The following WWOX variants were observed in gnomAD, a reference collection of about 807,000 sequenced individuals.
WWOX encodes the protein WW domain containing oxidoreductase, also known as WW domain-containing oxidoreductase.
A neutral mutation model predicts 46.2 loss-of-function variants in WWOX; 69 were observed. The observed-to-expected ratio is 1.49, with a 90% CI of 1.23 to 1.82. The LOEUF (loss-of-function observed/expected upper bound fraction) is 1.82. Ranked by LOEUF, WWOX falls within the 40% of genes most tolerant of loss-of-function variation. The pLI, the probability that WWOX is intolerant of heterozygous loss-of-function variation, is 0.00. For missense variants in WWOX, 919 were observed against 542.6 expected (o/e 1.69, Z -6.89); for synonymous variants, 359 against 202.6 (o/e 1.77, Z -6.56).
chr16:79,099,345 T>C (rs189335727), intron 8 of WWOX, among the ~76,000 whole-genome samples: 1 of 152,274 alleles, frequency 6.6e-6, no homozygotes, highest in East Asian at 1.9e-4. Flanking sequence ...CATTTCTCTT[T>C]ACAAAAAGAA....
chr16:78,953,879 C>G (rs2046112838), intron 8 of WWOX, among the ~76,000 whole-genome samples: 1 of 152,184 alleles, frequency 6.6e-6, no homozygotes, highest in Non-Finnish European at 1.5e-5. Context: ...TTATTTGACA[C>G]TTTTCACTTG....
chr16:78,434,229 C>T (rs1481307329), intron 8 of WWOX, among the ~76,000 whole-genome samples: 3 of 152,152 alleles, frequency 2.0e-5, no homozygotes, highest in South Asian at 4.1e-4. Context: ...TACTTAGGAT[C>T]AGTGGCAGTG....
intron 6 of WWOX, among the ~76,000 whole-genome samples, chr16:78,396,281 G>T (rs1297865865): frequency 6.6e-6 from 1 of 151,904 alleles, no homozygotes; most frequent in African/African-American, 2.4e-5. Flanking sequence ...TCAATTAGGG[G>T]TCACTTAGCA....
chr16:78,640,605 C>T (rs918497803), intron 8 of WWOX, among the ~76,000 whole-genome samples: 1 of 152,082 alleles, frequency 6.6e-6, no homozygotes, highest in African/African-American at 2.4e-5. Flanking sequence ...AACAAACCTA[C>T]ACATCCTGCA....
chr16:78,584,312 C>G lies in WWOX; in HGVS notation c.1056+151560C>G, dbSNP rs118064591. Among the ~76,000 whole-genome samples, 8 of 152,308 alleles carry G rather than the reference C, an allele frequency of 5.3e-5. No individual in the cohort carries two copies. In the East Asian group the frequency reaches 1.5e-3, roughly 29 times the overall value. ...CATGGAGTCATGAGTCAAAGATGGT[C>G]AAATTGGCCAAGATGAAGGTGTTTG... is the stretch of plus-strand genomic sequence containing the variant. On this transcript the variant is annotated intron_variant, in intron 8 of 8. Transcript: ENST00000566780.
chr16:79,211,586 GTCTT>G lies in WWOX; in HGVS notation c.1057-17_1057-14del, dbSNP rs750753794. On this transcript the variant is annotated intron_variant, in intron 8 of 8. Transcript: ENST00000566780. ...ACTCCTTTTCTTAAAATTTTTTTTT[GTCTT>G]TCTTCTTGGATTTCCAGCAACAGGG... is the stretch of plus-strand genomic sequence containing the variant. The G allele has an allele frequency of 3.5e-5, 57 of 1,613,584 alleles. No individual in the cohort carries two copies. The highest frequency in any genetic ancestry group is 4.4e-5 in the South Asian group (4 of 91,044).
rs139096761 is a variant in WWOX, at chr16:78,774,227, C to T, written c.1056+341475C>T. 2.5e-4 allele frequency among the ~76,000 whole-genome samples: 38 copies of T among 152,192 alleles called. No individual in the cohort carries two copies. In the East Asian group the frequency reaches 7.4e-3, roughly 29 times the overall value. On this transcript the variant is annotated intron_variant, in intron 8 of 8. Coordinates refer to ENST00000566780, the MANE Select transcript of WWOX (RefSeq NM_016373.4). Reference sequence around the variant, plus strand: ...ACCATCCTGGCCAACATGGTGAAACCCTGTCTCTACTCAAAATACAAAAAT... The same window carrying T: ...ACCATCCTGGCCAACATGGTGAAACTCTGTCTCTACTCAAAATACAAAAAT...
At chr16:79,210,948 A>G (rs907705357) in intron 8 of WWOX, among the ~76,000 whole-genome samples, 10 of 152,150 alleles carry the variant, frequency 6.6e-5, no homozygotes, top group Admixed American at 5.9e-4. Flanking sequence ...ATCTGGGTCA[A>G]ATATGACATT....
At chr16:78,266,517 C>T (rs1255337541) in intron 5 of WWOX, among the ~76,000 whole-genome samples, 1 of 152,154 alleles carries the variant, frequency 6.6e-6, no homozygotes, top group African/African-American at 2.4e-5. Flanking sequence ...TGTCCCTTCC[C>T]TCTGAAGGCA....
chr16:79,064,250 A>G (rs757187913), intron 8 of WWOX, among the ~76,000 whole-genome samples: 1 of 152,222 alleles, frequency 6.6e-6, no homozygotes, highest in African/African-American at 2.4e-5. Context: ...AGGCAAAGAA[A>G]ATACAAACCC....
intron 8 of WWOX, among the ~76,000 whole-genome samples, chr16:78,690,420 C>G (rs2047958708): frequency 6.6e-6 from 1 of 152,070 alleles, no homozygotes; most frequent in Non-Finnish European, 1.5e-5. Context: ...GGTGCGGAGG[C>G]ATTCACCTGT....
chr16:78,786,568 C>G (rs1207509484), intron 8 of WWOX, among the ~76,000 whole-genome samples: 3 of 152,232 alleles, frequency 2.0e-5, no homozygotes, highest in East Asian at 3.9e-4. Context: ...ATTTCATACA[C>G]TTTCCAATAA....
chr16:78,600,384 C>T (rs950851833), intron 8 of WWOX, among the ~76,000 whole-genome samples: 6 of 152,178 alleles, frequency 3.9e-5, no homozygotes, highest in Non-Finnish European at 8.8e-5. Context: ...AACAGCCCCC[C>T]AGCTCCAGCC....
intron 5 of WWOX, among the ~76,000 whole-genome samples, chr16:78,364,016 T>C (rs1405411455): frequency 6.6e-6 from 1 of 152,164 alleles, no homozygotes; most frequent in Admixed American, 6.5e-5. Flanking sequence ...TAATAAATGC[T>C]TACATTTTCT....
At chr16:78,938,027 C>T (rs893342424) in intron 8 of WWOX, among the ~76,000 whole-genome samples, 7 of 152,144 alleles carry the variant, frequency 4.6e-5, no homozygotes, top group Admixed American at 2.6e-4. Context: ...CTGTCCTCAC[C>T]GTCCTATGGG....
At chr16:78,935,898 T>G (rs56885872) in intron 8 of WWOX, among the ~76,000 whole-genome samples, 62 of 151,668 alleles carry the variant, frequency 4.1e-4, no homozygotes, top group African/African-American at 1.3e-3. Context: ...GGTGACAGAG[T>G]GAGACCCTGT....
chr16:78,950,681 T>C (rs1378868539), intron 8 of WWOX, among the ~76,000 whole-genome samples: 1 of 152,196 alleles, frequency 6.6e-6, no homozygotes, highest in Non-Finnish European at 1.5e-5. Context: ...CTTGGGTCAG[T>C]ACTTTCTGCA....
At chr16:78,753,825 A>AATAT (rs1159243014) in intron 8 of WWOX, among the ~76,000 whole-genome samples, 350 of 21,256 alleles carry the variant, frequency 0.016, 7 homozygotes, top group Non-Finnish European at 0.027. Context: ...AAAAAAAAAA[A>AATAT]ATATATATAT....
chr16:78,527,960 A>T (rs891023692), intron 8 of WWOX, among the ~76,000 whole-genome samples: 1 of 145,294 alleles, frequency 6.9e-6, no homozygotes, highest in Non-Finnish European at 1.5e-5. Context: ...CAAAGATTCA[A>T]GGTGGCTATG....
Sources: gnomAD v4.1 joint callset for allele counts (sites outside exome capture counted in the v4.1 genomes callset) on GRCh38, gnomAD v4.1.1 for gene constraint, MANE v1.5 for transcripts, NCBI Gene and HGNC (gene_info 2026-07-23, HGNC 2026-07-21) for gene names.